Variants in DCC observed in about 807,000 individuals in gnomAD.
DCC encodes netrin receptor DCC.
Under a neutral mutation model 172.5 loss-of-function variants are expected in DCC, and 58 were observed. The ratio of observed to expected loss-of-function variants is 0.34; its 90% confidence interval spans 0.27 to 0.42. The LOEUF is 0.42. Ranked by LOEUF, DCC falls within the 10% of genes least tolerant of loss-of-function variation. The pLI is 1.00. For synonymous variants in DCC, 709 were observed against 644.5 expected (o/e 1.10, Z -1.52); for missense variants, 1,740 against 1,791.0 (o/e 0.97, Z 0.51).
intron 5 of DCC, among the ~76,000 whole-genome samples, chr18:53,054,458 G>A (rs965857008): frequency 1.3e-5 from 2 of 152,048 alleles, no homozygotes; most frequent in African/African-American, 4.8e-5. Flanking sequence ...ATTATTTCCA[G>A]CCACTATATT....
At chr18:52,618,241 C>A (rs2034419913) in intron 1 of DCC, among the ~76,000 whole-genome samples, 1 of 151,998 alleles carries the variant, frequency 6.6e-6, no homozygotes, top group African/African-American at 2.4e-5. Flanking sequence ...ATAAAAATCC[C>A]AACAGAAGAA....
At chr18:53,108,486 A>G (rs2043282406) in intron 7 of DCC, among the ~76,000 whole-genome samples, 1 of 151,826 alleles carries the variant, frequency 6.6e-6, no homozygotes, top group South Asian at 2.1e-4. Context: ...ATTATTTTCT[A>G]GTTTGAACTT....
At chr18:52,797,073 A>AT (rs1041003418) in intron 2 of DCC, among the ~76,000 whole-genome samples, 2 of 150,126 alleles carry the variant, frequency 1.3e-5, no homozygotes, top group African/African-American at 2.4e-5. Context: ...TGACACTTGT[A>AT]TTTTTTTATT....
At position 52,967,681 on chromosome 18, in the gene DCC, G is replaced by A. The variant is rs144409267; in HGVS notation, c.985+42311G>A. ...ATTTTCTGTTGCTTTCTCCTCTTCT[G>A]ATATATTAGATCTCTCTCTAGATGA... On this transcript the variant is annotated intron_variant, in intron 5 of 28. Transcript: ENST00000442544. Among the ~76,000 whole-genome samples, 12 of 152,072 alleles carry A rather than the reference G, an allele frequency of 7.9e-5. No homozygotes were observed. In the East Asian group the frequency reaches 2.3e-3, roughly 29 times the overall value.
chr18:52,733,812 C>G (rs748427801), intron 1 of DCC, among the ~76,000 whole-genome samples: 1 of 152,054 alleles, frequency 6.6e-6, no homozygotes, highest in African/African-American at 2.4e-5. Flanking sequence ...GGCATTTTAT[C>G]CACACCGAAA....
chr18:52,562,098 AG>A (rs1310132877), intron 1 of DCC, among the ~76,000 whole-genome samples: 2 of 152,168 alleles, frequency 1.3e-5, no homozygotes, highest in Non-Finnish European at 2.9e-5. Context: ...CAATCTAGTT[AG>A]GGAAATAAAC....
At chr18:53,217,298 CACAT>C (rs55836119) in intron 12 of DCC, among the ~76,000 whole-genome samples, 6,381 of 100,414 alleles carry the variant, frequency 0.064, 191 homozygotes, top group Middle Eastern at 0.11. Flanking sequence ...CACACACACA[CACAT>C]ATGTATATAC....
At chr18:52,463,018 T>C (rs1249732363) in intron 1 of DCC, among the ~76,000 whole-genome samples, 3 of 152,234 alleles carry the variant, frequency 2.0e-5, no homozygotes, top group Non-Finnish European at 4.4e-5. Context: ...TCCACTGCGA[T>C]GGCTGCCATG....
intron 1 of DCC, among the ~76,000 whole-genome samples, chr18:52,591,787 CTTTTTT>C (rs370150482): frequency 8.0e-6 from 1 of 125,140 alleles, no homozygotes; most frequent in Non-Finnish European, 1.7e-5. Flanking sequence ...TTATTTATTT[CTTTTTT>C]TTTTTTTTTT....
At chr18:53,034,353 C>T (rs981769943) in intron 5 of DCC, among the ~76,000 whole-genome samples, 4 of 152,002 alleles carry the variant, frequency 2.6e-5, no homozygotes, top group Admixed American at 1.3e-4. Flanking sequence ...TCTCCAGAAA[C>T]ATTTCCCATC....
At chr18:53,356,908 C>A (rs2057884694) in intron 15 of DCC, among the ~76,000 whole-genome samples, 1 of 152,170 alleles carries the variant, frequency 6.6e-6, no homozygotes, top group Admixed American at 6.5e-5. Flanking sequence ...AGCCTGGAAA[C>A]TTTCCATATA....
At chr18:53,292,631 G>T (rs1327189144) in intron 12 of DCC, among the ~76,000 whole-genome samples, 1 of 152,210 alleles carries the variant, frequency 6.6e-6, no homozygotes, top group Non-Finnish European at 1.5e-5. Flanking sequence ...GGAGCTTGCA[G>T]TGAGCCGAGA....
chr18:53,138,838 A>G (rs955831655), intron 7 of DCC, among the ~76,000 whole-genome samples: 24 of 152,210 alleles, frequency 1.6e-4, no homozygotes, highest in African/African-American at 5.1e-4. Flanking sequence ...CCTGAAAAAT[A>G]TTACTTTTTT....
At chr18:52,497,278 AAAAT>A (rs1349991112) in intron 1 of DCC, among the ~76,000 whole-genome samples, 1 of 60,990 alleles carries the variant, frequency 1.6e-5, no homozygotes, top group African/African-American at 8.0e-5. Context: ...AAAAAAAAAA[AAAAT>A]ATATATATAT....
chr18:52,661,045 G>A (rs1043504792), intron 1 of DCC, among the ~76,000 whole-genome samples: 3 of 152,130 alleles, frequency 2.0e-5, no homozygotes, highest in Admixed American at 6.5e-5. Context: ...ACAGCAAGAA[G>A]GAGAGTGATA....
At position 52,569,475 on chromosome 18, in the gene DCC, A is replaced by G. The variant is rs1290962975; in HGVS notation, c.92-182579A>G. Among the ~76,000 whole-genome samples, 6 of 152,336 alleles carry G rather than the reference A, an allele frequency of 3.9e-5. No individual in the cohort carries two copies. In the East Asian group the frequency reaches 7.7e-4, roughly 20 times the overall value. On this transcript the variant is annotated intron_variant, in intron 1 of 28. Transcript: ENST00000442544. ...TGTATACTAAAATTATTTGAGGGAAACATGACTTAGAGATTTAATGATGAA... is the reference window on the plus strand; with the variant it reads ...TGTATACTAAAATTATTTGAGGGAAGCATGACTTAGAGATTTAATGATGAA...
intron 12 of DCC, among the ~76,000 whole-genome samples, chr18:53,228,216 A>C (rs1348331181): frequency 6.6e-6 from 1 of 152,136 alleles, no homozygotes. Context: ...CCCTTGATGA[A>C]ATCAAATATA....
intron 5 of DCC, among the ~76,000 whole-genome samples, chr18:52,970,253 A>T (rs966044287): frequency 6.6e-6 from 1 of 152,102 alleles, no homozygotes. Flanking sequence ...TCTAACATTT[A>T]GAATATATTA....
intron 7 of DCC, among the ~76,000 whole-genome samples, chr18:53,125,591 C>T (rs925362966): frequency 9.2e-5 from 14 of 152,082 alleles, no homozygotes; most frequent in Admixed American, 1.3e-4. Context: ...GCAACACCAC[C>T]AGCGATTTTC....
Sources: gnomAD v4.1 joint callset for allele counts (sites outside exome capture counted in the v4.1 genomes callset) on GRCh38, gnomAD v4.1.1 for gene constraint, MANE v1.5 for transcripts, NCBI Gene and HGNC (gene_info 2026-07-23, HGNC 2026-07-21) for gene names.